Variants in KIF24 observed in about 807,000 individuals in gnomAD.
KIF24 encodes the protein kinesin-like protein KIF24.
In KIF24, 81 loss-of-function variants were observed where a neutral mutation model predicts 118.9. The ratio of observed to expected loss-of-function variants is 0.68; its 90% CI spans 0.57 to 0.82. KIF24 has a LOEUF of 0.82. Ranked by LOEUF, KIF24 falls within the 40% of genes least tolerant of loss-of-function variation. The pLI, the probability that KIF24 is intolerant of heterozygous loss-of-function variation, is 0.00. For synonymous variants in KIF24, 599 were observed against 610.0 expected, an observed-to-expected ratio of 0.98 and a Z score of 0.27; for missense variants, 1,560 against 1,661.6, an observed-to-expected ratio of 0.94 and a Z score of 1.06.
chr9:34,257,899 G>A lies in KIF24; in HGVS notation c.1708C>T (p.Arg570Ter), dbSNP rs764804578. The A allele has an allele frequency of 1.4e-5, 22 of 1,613,978 alleles. No individual in the cohort carries two copies. In the South Asian group the frequency reaches 1.4e-4, roughly 10 times the overall value. ...AAAGCCCCAGGGGAGCTCTGAATTC[G>A]TTTTGGAGAGGAGTTTCCAGATGTC... ...NRTSGNSSPKRIQSSPGALSE... is the reference protein window; with the variant it reads ...NRTSGNSSPK The change falls in exon 11 of 13, where the codon CGA becomes TGA. Residue 570 changes from arginine (R) to a stop codon, truncating the protein, a stop_gained. Transcript: ENST00000402558. LOFTEE classifies it high-confidence loss of function.
Position 34,263,174 on chromosome 9 carries a change from T to G in KIF24, c.1444-2A>C, listed in dbSNP as rs1389849525. The G allele has an allele frequency of 6.2e-7, 1 of 1,612,138 alleles. No individual in the cohort carries two copies. The highest frequency in any genetic ancestry group is 8.5e-7 in the Non-Finnish European group (1 of 1,178,768). ...CAGTGCTCGGATACATTCCTTCAGC[T>G]GCAAAGTGGGAGAACAAGCACATCA... On this transcript the variant is annotated splice_acceptor_variant, in intron 8 of 12. Coordinates refer to ENST00000402558, the MANE Select transcript of KIF24 (RefSeq NM_194313.4). LOFTEE classifies it high-confidence loss of function.
chr9:34,284,544 A>G (rs932965929), intron 6 of KIF24, among the ~76,000 whole-genome samples: 1 of 152,196 alleles, frequency 6.6e-6, no homozygotes, highest in Non-Finnish European at 1.5e-5. Flanking sequence ...AAAAACCTCA[A>G]TGGAACTGAA....
intron 1 of KIF24, among the ~76,000 whole-genome samples, chr9:34,328,712 T>C (rs1837762267): frequency 6.6e-6 from 1 of 152,262 alleles, no homozygotes; most frequent in Non-Finnish European, 1.5e-5. Context: ...ATGCTTGCCT[T>C]ACCTCAAAGG....
chr9:34,325,452 G>A (rs1005979939), intron 1 of KIF24, among the ~76,000 whole-genome samples: 1 of 151,998 alleles, frequency 6.6e-6, no homozygotes, highest in African/African-American at 2.4e-5. Flanking sequence ...CAGAACTTTG[G>A]GAGGCTGAGG....
At position 34,257,631 on chromosome 9, in the gene KIF24, T is replaced by G; in HGVS notation, c.1976A>C (p.Lys659Thr). Residue 659 changes from lysine to threonine, a missense_variant, in exon 11 of 13, where the codon AAA (lysine) becomes ACA (threonine). Physicochemically the swap from Lys to Thr is moderately conservative, Grantham distance 78 (BLOSUM62 -1). Around this residue, in one of 3 missense-constraint regions of KIF24, gnomAD observed 964 missense variants for 988.0 expected, o/e 0.98. Transcript: ENST00000402558. ...KGTVRSGHVA[K>T]KKPEESAPLC... ...TGGTGCTGACTCTTCTGGCTTTTTT[T>G]TGGCCACATGTCCAGAGCGCACAGT... The G allele has an allele frequency of 6.2e-7, 1 of 1,614,072 alleles. No homozygotes were observed. Among genetic ancestry groups the G allele is most frequent in the Non-Finnish European group, 8.5e-7 (1 of 1,179,894 alleles).
chr9:34,305,752 C>A (rs1196916758), intron 3 of KIF24, among the ~76,000 whole-genome samples: 1 of 151,978 alleles, frequency 6.6e-6, no homozygotes, highest in Non-Finnish European at 1.5e-5. Flanking sequence ...TACAGGTACA[C>A]ACCACCATGC....
At chr9:34,327,846 A>ATAATAAT (rs60906115) in intron 1 of KIF24, among the ~76,000 whole-genome samples, 179 of 149,696 alleles carry the variant, frequency 1.2e-3, no homozygotes, top group Middle Eastern at 3.4e-3. Context: ...AATAAAAAAA[A>ATAATAAT]AATAATAATA....
At chr9:34,309,355 C>T (rs543923164) in intron 2 of KIF24, among the ~76,000 whole-genome samples, 1 of 152,104 alleles carries the variant, frequency 6.6e-6, no homozygotes, top group East Asian at 1.9e-4. Flanking sequence ...TCCTGGCTAA[C>T]ATGGTGAAAC....
intron 11 of KIF24, 52 bp downstream of exon 11, chr9:34,255,683 T>C: frequency 6.9e-7 from 1 of 1,456,674 alleles, no homozygotes; most frequent in Middle Eastern, 1.9e-4. Flanking sequence ...TAAGCTGGAG[T>C]GGAGGGTGGG....
intron 6 of KIF24, among the ~76,000 whole-genome samples, chr9:34,285,194 AAAG>A (rs1835992071): frequency 6.6e-6 from 1 of 152,224 alleles, no homozygotes; most frequent in African/African-American, 2.4e-5. Flanking sequence ...TAACTTAATA[AAAG>A]AAGCAGATTG....
intron 6 of KIF24, among the ~76,000 whole-genome samples, chr9:34,275,358 C>T (rs1187897851): frequency 6.6e-6 from 1 of 152,052 alleles, no homozygotes; most frequent in Non-Finnish European, 1.5e-5. Flanking sequence ...CGCACCACTG[C>T]ACTCCAGCCT....
intron 2 of KIF24, among the ~76,000 whole-genome samples, 177 bp from the exon 3 acceptor site, chr9:34,306,618 C>T (rs1394229636): frequency 3.3e-5 from 5 of 152,118 alleles, no homozygotes; most frequent in Middle Eastern, 3.4e-3. Flanking sequence ...CTGGCTAACA[C>T]GGTGAAACCC....
rs184915633 is a variant in KIF24 at position 34,260,886 on chromosome 9, C to T, written c.1516-1181G>A. On this transcript the variant is annotated intron_variant, in intron 9 of 12. Transcript: ENST00000402558. ...CTCCAGGGGCTTGTGGCAGGAGAATCGCTTGAACCCAGGAGGTGGAGGTTG... is the reference window on the plus strand; with the variant it reads ...CTCCAGGGGCTTGTGGCAGGAGAATTGCTTGAACCCAGGAGGTGGAGGTTG... 3.0e-3 allele frequency among the ~76,000 whole-genome samples: 455 copies of T among 152,232 alleles called. 5 individuals carry two copies. The highest frequency in any genetic ancestry group is 3.7e-3 in the South Asian group (18 of 4,824).
intron 1 of KIF24, among the ~76,000 whole-genome samples, chr9:34,314,433 T>A (rs1837273256): frequency 1.3e-5 from 2 of 152,136 alleles, no homozygotes; most frequent in Non-Finnish European, 2.9e-5. Flanking sequence ...CCCAAAGCGC[T>A]GGGGTTACAG....
chr9:34,293,572 A>T (rs991489920), intron 4 of KIF24, among the ~76,000 whole-genome samples: 2 of 151,968 alleles, frequency 1.3e-5, no homozygotes, highest in Non-Finnish European at 2.9e-5. Context: ...CAGGAGATCG[A>T]GACCATCCTG....
intron 6 of KIF24, among the ~76,000 whole-genome samples, chr9:34,283,740 G>A (rs1305570212): frequency 6.6e-6 from 1 of 152,072 alleles, no homozygotes; most frequent in Non-Finnish European, 1.5e-5. Context: ...ACCCAAACTG[G>A]CATTCCCAAA....
chr9:34,267,834 G>C (rs1390565563), intron 8 of KIF24, among the ~76,000 whole-genome samples: 1 of 152,146 alleles, frequency 6.6e-6, no homozygotes, highest in Non-Finnish European at 1.5e-5. Context: ...ATAGAGCTTA[G>C]CCACCTGACA....
chr9:34,327,786 TATC>T (rs957205270), intron 1 of KIF24, among the ~76,000 whole-genome samples: 8 of 151,558 alleles, frequency 5.3e-5, no homozygotes, highest in African/African-American at 1.7e-4. Context: ...GGTGAGCTAT[TATC>T]ATGCTAGTGC....
chr9:34,331,946 T>G (rs1837952598), upstream of KIF24, among the ~76,000 whole-genome samples: 1 of 152,218 alleles, frequency 6.6e-6, no homozygotes. Flanking sequence ...CCATTTTACT[T>G]TGAAATATCT....
Sources: allele counts gnomAD v4.1 joint callset (sites outside exome capture counted in the v4.1 genomes callset), GRCh38; gene constraint gnomAD v4.1.1; regional missense constraint gnomAD v4.1.1; transcripts MANE v1.5; gene names NCBI Gene and HGNC (gene_info 2026-07-23, HGNC 2026-07-21).